CDC42SE2: variants seen among roughly 807,000 people sequenced by gnomAD.
The protein encoded by CDC42SE2 is CDC42 small effector protein 2.
In CDC42SE2, 3 loss-of-function variants were observed where a neutral mutation model predicts 11.5. The observed-to-expected ratio is 0.26, with a 90% confidence interval of 0.12 to 0.67. CDC42SE2 has a LOEUF of 0.67. Among genes scored for constraint, CDC42SE2 ranks in the 30% least tolerant of loss-of-function variants. The pLI is 0.80. For synonymous variants in CDC42SE2, 33 were observed against 34.8 expected (o/e 0.95, Z 0.18); for missense variants, 82 against 106.8 (o/e 0.77, Z 1.02).
intron 1 of CDC42SE2, among the ~76,000 whole-genome samples, chr5:131,308,736 G>T (rs1757831966): frequency 6.8e-6 from 1 of 147,600 alleles, no homozygotes; most frequent in African/African-American, 2.5e-5. Context: ...TCATGATTTG[G>T]CTCTCTGTTT....
intron 3 of CDC42SE2, among the ~76,000 whole-genome samples, chr5:131,362,255 C>G (rs1330296156): frequency 6.6e-6 from 1 of 152,132 alleles, no homozygotes; most frequent in Non-Finnish European, 1.5e-5. Context: ...TGAATACATA[C>G]TTATGTGAAG....
intron 2 of CDC42SE2, among the ~76,000 whole-genome samples, chr5:131,320,594 T>C (rs1409420727): frequency 6.7e-6 from 1 of 149,554 alleles, no homozygotes; most frequent in Non-Finnish European, 1.5e-5. Flanking sequence ...ATACAAAAAT[T>C]AGCCAGGCAT....
At chr5:131,374,980 T>C (rs1267254457) in intron 3 of CDC42SE2, among the ~76,000 whole-genome samples, 1 of 151,856 alleles carries the variant, frequency 6.6e-6, no homozygotes, top group African/African-American at 2.4e-5. Context: ...ACCAATGATA[T>C]TAACAATATC....
chr5:131,309,719 C>G (rs899801321), intron 1 of CDC42SE2, among the ~76,000 whole-genome samples: 9 of 151,768 alleles, frequency 5.9e-5, no homozygotes, highest in Non-Finnish European at 8.8e-5. Context: ...TCTAGATTTT[C>G]TAGTTTATTT....
At chr5:131,283,422 C>G (rs901162010) in intron 1 of CDC42SE2, among the ~76,000 whole-genome samples, 1 of 151,852 alleles carries the variant, frequency 6.6e-6, no homozygotes, top group Non-Finnish European at 1.5e-5. Flanking sequence ...GATATGTGAC[C>G]TTTTGTGTCT....
chr5:131,390,882 C>A (rs1438138182), intron 4 of CDC42SE2, 111 bp from the exon 5 acceptor site: 4 of 591,316 alleles, frequency 6.8e-6, no homozygotes, highest in African/African-American at 1.9e-5. Flanking sequence ...TATAAAAGTA[C>A]CCTTCTGAAA....
intron 3 of CDC42SE2, among the ~76,000 whole-genome samples, chr5:131,365,897 G>A (rs1749841443): frequency 6.6e-6 from 1 of 152,206 alleles, no homozygotes; most frequent in Non-Finnish European, 1.5e-5. Flanking sequence ...CAGGAGAATG[G>A]TGTGAACCCG....
At chr5:131,320,593 T>C (rs537361837) in intron 2 of CDC42SE2, among the ~76,000 whole-genome samples, 1 of 151,778 alleles carries the variant, frequency 6.6e-6, no homozygotes, top group African/African-American at 2.4e-5. Context: ...AATACAAAAA[T>C]TAGCCAGGCA....
chr5:131,249,684 T>C (rs1756624571), intron 1 of CDC42SE2, among the ~76,000 whole-genome samples: 1 of 152,206 alleles, frequency 6.6e-6, no homozygotes, highest in African/African-American at 2.4e-5. Context: ...TTGAGAACTT[T>C]TGTTCGACAG....
chr5:131,349,443 A>T (rs886917005), intron 2 of CDC42SE2, among the ~76,000 whole-genome samples: 3 of 152,220 alleles, frequency 2.0e-5, no homozygotes, highest in Non-Finnish European at 2.9e-5. Context: ...TACATATGTA[A>T]GAAACCTGCA....
At chr5:131,350,577 A>G (rs1758981719) in intron 2 of CDC42SE2, among the ~76,000 whole-genome samples, 1 of 151,808 alleles carries the variant, frequency 6.6e-6, no homozygotes, top group Admixed American at 6.6e-5. Flanking sequence ...CGGTATAAAC[A>G]AAGTTAAAAG....
rs61561892 is a variant in CDC42SE2 at position 131,264,491 on chromosome 5, A to ACC, written c.-455+333_-455+334dup. On this transcript the variant is annotated intron_variant, in intron 1 of 4. Transcript: ENST00000505065. ...CGCCTGATGTAAAATGGAAAGGCAG[A>ACC]CCCCCCCCCTCCCCCCAACTTTTCA... Among the ~76,000 whole-genome samples, 730 of 108,606 alleles carry ACC rather than the reference A, an allele frequency of 6.7e-3. 9 individuals are homozygous for ACC. The highest frequency in any genetic ancestry group is 0.029 in the Admixed American group (271 of 9,210). 71.2% of individuals were successfully genotyped at this position (108,606 alleles called of 152,430 possible). A position where few individuals can be genotyped will look rare whatever the true frequency, so the allele number is the denominator to read the frequency against.
At chr5:131,254,857 C>T (rs938056460) in intron 1 of CDC42SE2, among the ~76,000 whole-genome samples, 2 of 152,060 alleles carry the variant, frequency 1.3e-5, no homozygotes, top group African/African-American at 4.8e-5. Context: ...ATCATGGTTG[C>T]CAAGTATTAC....
the CDC42SE2 span, among the ~76,000 whole-genome samples, chr5:131,216,234 C>T: frequency 1.3e-5 from 2 of 152,110 alleles, no homozygotes; most frequent in South Asian, 2.1e-4. Context: ...CAGCACCTCA[C>T]GCCTGTAATC....
At chr5:131,334,866 A>G (rs1337927968) in intron 2 of CDC42SE2, among the ~76,000 whole-genome samples, 5 of 151,596 alleles carry the variant, frequency 3.3e-5, no homozygotes, top group Non-Finnish European at 5.9e-5. Context: ...TTTCTTCTTT[A>G]TTAGTCTTGC....
At chr5:131,334,037 G>T (rs1156529831) in intron 2 of CDC42SE2, among the ~76,000 whole-genome samples, 1 of 152,080 alleles carries the variant, frequency 6.6e-6, no homozygotes, top group African/African-American at 2.4e-5. Flanking sequence ...TCCCTGTCTT[G>T]TGCCAGTTTT....
intron 1 of CDC42SE2, among the ~76,000 whole-genome samples, chr5:131,284,997 C>A (rs1757312128): frequency 6.6e-6 from 1 of 151,354 alleles, no homozygotes; most frequent in African/African-American, 2.4e-5. Flanking sequence ...TCTAAAAAAA[C>A]AAAACCCAGA....
intron 1 of CDC42SE2, among the ~76,000 whole-genome samples, chr5:131,272,813 T>C (rs370475976): frequency 5.9e-5 from 9 of 152,356 alleles, no homozygotes; most frequent in East Asian, 1.9e-4. Context: ...TTTTTCTCTT[T>C]CATTCTACCA....
At chr5:131,272,446 A>G (rs918188633) in intron 1 of CDC42SE2, among the ~76,000 whole-genome samples, 2 of 152,094 alleles carry the variant, frequency 1.3e-5, no homozygotes, top group African/African-American at 4.8e-5. Context: ...TGTTTCCTGT[A>G]TGTTAAAAAT....
Sources: gnomAD v4.1 joint callset for allele counts (sites outside exome capture counted in the v4.1 genomes callset) on GRCh38, gnomAD v4.1.1 for gene constraint, MANE v1.5 for transcripts, NCBI Gene and HGNC (gene_info 2026-07-23, HGNC 2026-07-21) for gene names.